Variants in SLC67A2 observed in about 807,000 individuals in gnomAD.
SLC67A2 encodes the protein solute carrier family 67 member 2, also known as solute carrier family 67 member A2.
the SLC67A2 span, chr2:102,736,463 T>C: frequency 1.4e-6 from 2 of 1,442,710 alleles, no homozygotes; most frequent in Non-Finnish European, 1.8e-6. Context: ...TAAAGCAGTG[T>C]GGCCAGATGC....
chr2:102,718,970 C>T, the SLC67A2 span: 27 of 1,614,104 alleles, frequency 1.7e-5, no homozygotes, highest in Middle Eastern at 1.6e-4. Flanking sequence ...CATCAGCAAG[C>T]GCACCAGAAA....
At chr2:102,730,840 C>T in the SLC67A2 span, among the ~76,000 whole-genome samples, 86 of 152,322 alleles carry the variant, frequency 5.6e-4, no homozygotes, top group East Asian at 0.015. Flanking sequence ...TGAGCCACCG[C>T]GCCCAGCCTA....
the SLC67A2 span, among the ~76,000 whole-genome samples, chr2:102,722,989 A>C: frequency 6.6e-6 from 1 of 152,272 alleles, no homozygotes; most frequent in Non-Finnish European, 1.5e-5. Context: ...CCAAGTTTAA[A>C]AATGGGCAAA....
At chr2:102,730,668 G>A in the SLC67A2 span, among the ~76,000 whole-genome samples, 20 of 150,960 alleles carry the variant, frequency 1.3e-4, no homozygotes, top group Non-Finnish European at 2.4e-4. Context: ...TCAGCCTCCC[G>A]AGTAGCTGGG....
chr2:102,726,294 C>T, the SLC67A2 span, among the ~76,000 whole-genome samples: 1 of 152,200 alleles, frequency 6.6e-6, no homozygotes, highest in African/African-American at 2.4e-5. Flanking sequence ...ACAGGAACCT[C>T]AGTGCTGGCC....
the SLC67A2 span, among the ~76,000 whole-genome samples, chr2:102,721,645 G>C: frequency 2.6e-5 from 4 of 151,102 alleles, no homozygotes; most frequent in African/African-American, 9.8e-5. Context: ...TGCATCCAAG[G>C]AGCTCATAGT....
chr2:102,729,663 T>C, the SLC67A2 span, among the ~76,000 whole-genome samples: 1 of 152,084 alleles, frequency 6.6e-6, no homozygotes, highest in East Asian at 1.9e-4. Flanking sequence ...AGAAAAAAAA[T>C]AATATGGGCT....
the SLC67A2 span, among the ~76,000 whole-genome samples, chr2:102,728,015 G>A: frequency 5.9e-5 from 9 of 152,026 alleles, no homozygotes; most frequent in East Asian, 1.9e-4. Context: ...AAACCTGCCC[G>A]GCGTAGCTCC....
At chr2:102,715,861 T>G in the SLC67A2 span, 1 of 152,266 alleles carries the variant, frequency 6.6e-6, no homozygotes, top group South Asian at 2.1e-4. Flanking sequence ...CAGATTTAAT[T>G]TCCCTGAGAT....
the SLC67A2 span, among the ~76,000 whole-genome samples, chr2:102,723,535 C>T: frequency 2.5e-5 from 3 of 118,934 alleles, no homozygotes; most frequent in South Asian, 3.2e-4. Flanking sequence ...AAACTGGCAC[C>T]GGCCACTATG....
the SLC67A2 span, chr2:102,736,809 ATACCCGCGCCGGCCGG>A: frequency 1.2e-6 from 2 of 1,600,182 alleles, no homozygotes; most frequent in Non-Finnish European, 1.7e-6. Flanking sequence ...CCCAAGCTCC[ATACCCGCGCCGGCCGG>A]GGGTCGGACG....
chr2:102,732,482 T>C, the SLC67A2 span: 2 of 1,250,304 alleles, frequency 1.6e-6, no homozygotes, highest in Non-Finnish European at 2.2e-6. Context: ...TTTAAACTAA[T>C]TTAAAAAATA....
the SLC67A2 span, chr2:102,718,744 G>C: frequency 1.7e-5 from 28 of 1,613,756 alleles, no homozygotes; most frequent in East Asian, 2.2e-5. Flanking sequence ...CCAAGGAGTA[G>C]AGCAGCAGCA....
At chr2:102,719,081 C>T in the SLC67A2 span, 1,037 of 1,614,210 alleles carry the variant, frequency 6.4e-4, 9 homozygotes, top group African/African-American at 0.012. Context: ...CCTGGCTCTG[C>T]GGCTGGTGGC....
chr2:102,724,607 T>C, the SLC67A2 span, among the ~76,000 whole-genome samples: 1 of 152,244 alleles, frequency 6.6e-6, no homozygotes, highest in Non-Finnish European at 1.5e-5. Flanking sequence ...CTTGCAAACA[T>C]GCTGACAGAT....
At chr2:102,725,359 A>G in the SLC67A2 span, among the ~76,000 whole-genome samples, 1 of 152,230 alleles carries the variant, frequency 6.6e-6, no homozygotes, top group African/African-American at 2.4e-5. Context: ...GACGGTTCAT[A>G]TAAGAGAACT....
chr2:102,724,631 G>A, the SLC67A2 span, among the ~76,000 whole-genome samples: 4 of 152,134 alleles, frequency 2.6e-5, no homozygotes, highest in African/African-American at 2.4e-5. Flanking sequence ...GGTAACCAGC[G>A]GCCCACTATT....
the SLC67A2 span, chr2:102,726,936 C>T: frequency 2.5e-6 from 4 of 1,613,506 alleles, no homozygotes; most frequent in Non-Finnish European, 2.5e-6. Context: ...TGCATGCCAG[C>T]AAGGAAGACC....
the SLC67A2 span, chr2:102,719,022 G>A: frequency 1.8e-5 from 29 of 1,614,192 alleles, no homozygotes; most frequent in East Asian, 1.1e-4. Context: ...TTCATGTTCC[G>A]CAAGGCCAAC....
Sources: allele counts gnomAD v4.1 joint callset (sites outside exome capture counted in the v4.1 genomes callset), GRCh38; gene constraint gnomAD v4.1.1; transcripts MANE v1.5; gene names NCBI Gene and HGNC (gene_info 2026-07-23, HGNC 2026-07-21).